Variants in PTPRM observed in about 807,000 individuals in gnomAD.
PTPRM encodes the protein receptor-type tyrosine-protein phosphatase mu.
Under a neutral mutation model 186.7 loss-of-function variants are expected in PTPRM, and 47 were observed. The ratio of observed to expected loss-of-function variants is 0.25; its 90% CI spans 0.20 to 0.32. PTPRM has a LOEUF of 0.32. Among genes scored for constraint, PTPRM ranks in the 10% least tolerant of loss-of-function variants. The pLI is 1.00. For missense variants in PTPRM, 1,494 were observed against 1,865.0 expected (o/e 0.80, Z 3.66); for synonymous variants, 668 against 674.9 (o/e 0.99, Z 0.16).
At chr18:7,661,030 A>G (rs1039912144) in intron 1 of PTPRM, among the ~76,000 whole-genome samples, 2 of 152,194 alleles carry the variant, frequency 1.3e-5, no homozygotes, top group Non-Finnish European at 2.9e-5. Flanking sequence ...TAACATGACA[A>G]TGTCAGCTTA....
chr18:8,223,480 A>G (rs542431296), intron 14 of PTPRM, among the ~76,000 whole-genome samples: 16 of 152,206 alleles, frequency 1.1e-4, no homozygotes, highest in African/African-American at 2.2e-4. Context: ...TAAAGGACTA[A>G]GAATTATTTT....
intron 4 of PTPRM, among the ~76,000 whole-genome samples, chr18:7,916,668 AC>A (rs1166261504): frequency 6.6e-6 from 1 of 152,192 alleles, no homozygotes; most frequent in Non-Finnish European, 1.5e-5. Flanking sequence ...ATAAATCGAC[AC>A]ATAATTGTAC....
chr18:8,255,638 G>GAAAGGA (rs1342980773), intron 19 of PTPRM, among the ~76,000 whole-genome samples: 3 of 152,076 alleles, frequency 2.0e-5, no homozygotes, highest in African/African-American at 7.3e-5. Context: ...AAAAAAGAAG[G>GAAAGGA]AAAGGAAATA....
rs144369248 is a variant in PTPRM at position 7,690,656 on chromosome 18, G to A, written c.74-83493G>A. On this transcript the variant is annotated intron_variant, in intron 1 of 32. Transcript: ENST00000580170. ...GAGAGAAGTTTATTCAGAATTTCAA[G>A]TCTGAAAGCCAGGAAATATTCCTGG... 3.6e-3 allele frequency among the ~76,000 whole-genome samples: 551 copies of A among 152,280 alleles called. 3 individuals are homozygous for A. The highest frequency in any genetic ancestry group is 0.013 in the African/African-American group (537 of 41,544).
At position 7,984,673 on chromosome 18, in the gene PTPRM, CA is replaced by C. The variant is rs1475560052; in HGVS notation, c.1132+29260del. Among the ~76,000 whole-genome samples the C allele has an allele frequency of 1.2e-3, 140 of 115,384 alleles. 1 individual carries two copies. Among genetic ancestry groups the C allele is most frequent in the African/African-American group, 4.1e-3 (136 of 33,496 alleles). 75.7% of individuals were successfully genotyped at this position (115,384 alleles called of 152,430 possible). On this transcript the variant is annotated intron_variant, in intron 7 of 32. Transcript: ENST00000580170. ...TGTGGGGTAAATATATATATACACA[CA>C]TATATAATTATATATATACATATAT...
intron 1 of PTPRM, among the ~76,000 whole-genome samples, chr18:7,602,871 T>C (rs1374490158): frequency 1.4e-5 from 2 of 147,500 alleles, no homozygotes; most frequent in Non-Finnish European, 3.0e-5. Context: ...AAAATATGAG[T>C]TATTATGAAA....
chr18:7,901,698 A>G (rs2049697640), intron 3 of PTPRM, among the ~76,000 whole-genome samples: 1 of 152,188 alleles, frequency 6.6e-6, no homozygotes, highest in Non-Finnish European at 1.5e-5. Context: ...GTTTGTTAGA[A>G]AAAAAACAAA....
intron 1 of PTPRM, among the ~76,000 whole-genome samples, chr18:7,637,645 G>T (rs975058448): frequency 6.6e-6 from 1 of 152,074 alleles, no homozygotes; most frequent in Non-Finnish European, 1.5e-5. Flanking sequence ...TTTCTTTGGG[G>T]GATATAGTAG....
At position 7,568,019 on chromosome 18, in the gene PTPRM, G is replaced by C; in HGVS notation, c.73+128G>C. On this transcript the variant is annotated intron_variant, in intron 1 of 32. Transcript: ENST00000580170. This position sits in a 1 kb window ranked among gnomAD's most constrained non-coding sequence, Gnocchi z 5.1. The stretch of plus-strand genomic sequence containing the variant: ...GGCCGGGCGGGGGGCGCGGCGGGCC[G>C]GACACCGCTTCTGCCTGTGAGCCGG... 5 of 871,344 alleles carry C rather than the reference G, an allele frequency of 5.7e-6. No homozygotes were observed. Among genetic ancestry groups the C allele is most frequent in the Non-Finnish European group, 7.8e-6 (5 of 642,774 alleles). The allele number at this position is 871,344 out of a possible 1,614,324, so 54.0% of individuals were successfully genotyped here. A position where few individuals can be genotyped will look rare whatever the true frequency, so the allele number is the denominator to read the frequency against.
In PTPRM at chr18:8,125,276, G is replaced by A. The variant is rs945018390; in HGVS notation, c.2167+10449G>A. On this transcript the variant is annotated intron_variant, in intron 13 of 32. Transcript: ENST00000580170. ...GTTCATTGAACGGCCCAGTTGTCAG[G>A]AGGGTTCCAGAGAAGGAATTTGTGG... Among the ~76,000 whole-genome samples the A allele has an allele frequency of 1.1e-4, 16 of 151,976 alleles. No homozygotes were observed. In the Middle Eastern group the frequency reaches 0.01, roughly 97 times the overall value.
chr18:7,777,929 G>A (rs2042671023), intron 2 of PTPRM, among the ~76,000 whole-genome samples: 1 of 152,100 alleles, frequency 6.6e-6, no homozygotes, highest in Non-Finnish European at 1.5e-5. Flanking sequence ...TGAGAGGATT[G>A]CTTGAGTTCA....
intron 14 of PTPRM, among the ~76,000 whole-genome samples, chr18:8,206,840 A>G (rs1281290093): frequency 1.3e-5 from 2 of 152,030 alleles, no homozygotes; most frequent in Non-Finnish European, 2.9e-5. Flanking sequence ...CTCTGCTTCA[A>G]AAAAAAGGGG....
chr18:8,287,629 T>TA (rs1361233220), intron 19 of PTPRM, among the ~76,000 whole-genome samples: 8 of 152,106 alleles, frequency 5.3e-5, no homozygotes, highest in African/African-American at 1.9e-4. Flanking sequence ...TCCAAGGAGG[T>TA]ATTCTTACTG....
chr18:7,879,676 A>T (rs2048406058), intron 2 of PTPRM, among the ~76,000 whole-genome samples: 1 of 152,138 alleles, frequency 6.6e-6, no homozygotes. Context: ...AATGTCTTAA[A>T]GCAAAGGTTA....
In PTPRM at chr18:8,005,247, A is replaced by C. The variant is rs535223914; in HGVS notation, c.1132+49833A>C. ...AAGTCAACTGTGTTACAAATAAATC[A>C]AAAAAATTCATAAACCCTCTCAAGT... On this transcript the variant is annotated intron_variant, in intron 7 of 32. Transcript: ENST00000580170. Among the ~76,000 whole-genome samples the C allele has an allele frequency of 8.3e-4, 127 of 152,196 alleles. 1 individual carries two copies. Among genetic ancestry groups the C allele is most frequent in the Non-Finnish European group, 1.1e-3 (76 of 68,020 alleles).
At chr18:7,585,096 G>A (rs1279982287) in intron 1 of PTPRM, among the ~76,000 whole-genome samples, 12 of 152,216 alleles carry the variant, frequency 7.9e-5, no homozygotes, top group Admixed American at 3.3e-4. Flanking sequence ...GGAAAGATCC[G>A]TGGGAAAACT....
At chr18:8,171,004 T>A (rs530209374) in intron 14 of PTPRM, among the ~76,000 whole-genome samples, 1 of 152,352 alleles carries the variant, frequency 6.6e-6, no homozygotes, top group East Asian at 1.9e-4. Context: ...CGATGGGGCC[T>A]CTGTGTGAAT....
intron 1 of PTPRM, among the ~76,000 whole-genome samples, chr18:7,645,253 A>G (rs1165708093): frequency 6.6e-6 from 1 of 152,188 alleles, no homozygotes; most frequent in African/African-American, 2.4e-5. Flanking sequence ...TTAAGTAACA[A>G]ATCTCATTTG....
At chr18:8,076,928 T>G (rs569005667) in intron 9 of PTPRM, among the ~76,000 whole-genome samples, 9 of 152,314 alleles carry the variant, frequency 5.9e-5, no homozygotes, top group African/African-American at 2.2e-4. Context: ...ATTTTACTAC[T>G]GAATTATAGA....
Sources: gnomAD v4.1 joint callset for allele counts (sites outside exome capture counted in the v4.1 genomes callset) on GRCh38, gnomAD v4.1.1 for gene constraint, Gnocchi (gnomAD v3.1) non-coding constraint, MANE v1.5 for transcripts, NCBI Gene and HGNC (gene_info 2026-07-23, HGNC 2026-07-21) for gene names.